PRODH2: variants seen among roughly 807,000 people sequenced by gnomAD.
PRODH2 encodes hydroxyproline dehydrogenase.
PRODH2 carries 49 observed loss-of-function variants against 51.9 expected under a neutral mutation model. The ratio of observed to expected loss-of-function variants is 0.94; its 90% CI spans 0.75 to 1.20. The LOEUF (loss-of-function observed/expected upper bound fraction) is 1.20. Among genes scored for constraint, PRODH2 ranks in the 50% most tolerant of loss-of-function variants. The pLI is 0.00. For synonymous variants in PRODH2, 249 were observed against 260.7 expected, an observed-to-expected ratio of 0.96 and a Z score of 0.43; for missense variants, 597 against 610.9, an observed-to-expected ratio of 0.98 and a Z score of 0.24.
Position 35,812,700 on chromosome 19 carries a change from C to A in PRODH2, c.106G>T (p.Glu36Ter). Residue 36 changes from glutamate to a stop codon, truncating the protein, a stop_gained, in exon 1 of 10, where the codon GAG (glutamate) becomes TAG (stop). Transcript: ENST00000653904. LOFTEE classifies it high-confidence loss of function. ...AGAACCAGCAAGGCCCGTGTCAGCTCTCCTGTGCCCTTAAGGTGGAAGGCC... is the reference window on the plus strand; with the variant it reads ...AGAACCAGCAAGGCCCGTGTCAGCTATCCTGTGCCCTTAAGGTGGAAGGCC... Reference protein sequence around the residue: ...GGAFHLKGTGELTRALLVLRL... With the variant: ...GGAFHLKGTG 1 of 1,610,794 alleles carries A rather than the reference C, an allele frequency of 6.2e-7. No homozygotes were observed. The highest frequency in any genetic ancestry group is 8.5e-7 in the Non-Finnish European group (1 of 1,177,908).
chr19:35,802,589 A>G (rs139301800), intron 8 of PRODH2: 2 of 461,806 alleles, frequency 4.3e-6, no homozygotes, highest in Non-Finnish European at 7.9e-6. Flanking sequence ...AGAGGTAGGG[A>G]CTTGCTTTGT....
At chr19:35,803,949 C>T (rs1972470728) in intron 7 of PRODH2, among the ~76,000 whole-genome samples, 1 of 18,764 alleles carries the variant, frequency 5.3e-5, no homozygotes. Flanking sequence ...TCCCTATCGC[C>T]CCCCAGACCT....
At chr19:35,810,260 A>AAATAAT (rs10676244) in intron 4 of PRODH2, among the ~76,000 whole-genome samples, 4,403 of 143,200 alleles carry the variant, frequency 0.031, 182 homozygotes, top group East Asian at 0.19. Flanking sequence ...CTCTGTCTTA[A>AAATAAT]AATAATAATA....
Position 35,803,092 on chromosome 19 carries a change from C to T in PRODH2, c.1002-14G>A. 2 of 1,511,298 alleles carry T rather than the reference C, an allele frequency of 1.3e-6. No individual in the cohort carries two copies. Among genetic ancestry groups the T allele is most frequent in the Non-Finnish European group, 1.8e-6 (2 of 1,116,782 alleles). 93.6% of individuals were successfully genotyped at this position (1,511,298 alleles called of 1,614,324 possible). Reference sequence around the variant, plus strand: ...CAGCGGCTGTAACTGAAGGGAGATGCTCTGTTCAGCTCACCTGGTGAGCGA... The same window carrying T: ...CAGCGGCTGTAACTGAAGGGAGATGTTCTGTTCAGCTCACCTGGTGAGCGA... On this transcript the variant is annotated splice_polypyrimidine_tract_variant and intron_variant, in intron 7 of 9. Transcript: ENST00000653904.
rs1188155157 is a variant in PRODH2, at chr19:35,812,405, AGCAG to A, written c.322_325del (p.Leu108TrpfsTer51). The A allele has an allele frequency of 1.2e-6, 2 of 1,614,180 alleles. No individual in the cohort carries two copies. Among genetic ancestry groups the A allele is most frequent in the East Asian group, 4.5e-5 (2 of 44,882 alleles). On this transcript the variant is annotated frameshift_variant, in exon 2 of 10. Coordinates refer to ENST00000653904, the MANE Select transcript of PRODH2 (RefSeq NM_021232.2). LOFTEE classifies it high-confidence loss of function. Reference sequence around the variant, plus strand: ...CGGCTCCTCCTCAGTGGGCACTGCCAGCAGTGGTCGGAGGCTGAGGGTCCGCAGC... The same window carrying A: ...CGGCTCCTCCTCAGTGGGCACTGCCATGGTCGGAGGCTGAGGGTCCGCAGC...
Position 35,812,732 on chromosome 19 carries a change from T to C in PRODH2, c.74A>G (p.Asp25Gly). Residue 25 changes from aspartate (D) to glycine (G), a missense_variant, in exon 1 of 10, where the codon GAT (aspartate) becomes GGT (glycine). Coordinates refer to ENST00000653904, the MANE Select transcript of PRODH2 (RefSeq NM_021232.2). ...GCCCTTAAGGTGGAAGGCCCCGCCA[T>C]CAAAGCTCAGGGACTGCCAGCCCCT... The part of the protein sequence containing the change: ...PSRGWQSLSF[D>G]GGAFHLKGTG... 1 of 1,611,594 alleles carries C rather than the reference T, an allele frequency of 6.2e-7. No homozygotes were observed. Among genetic ancestry groups the C allele is most frequent in the South Asian group, 1.1e-5 (1 of 90,848 alleles).
chr19:35,802,496 G>A (rs1437616676), intron 8 of PRODH2: 1 of 594,886 alleles, frequency 1.7e-6, no homozygotes, highest in Non-Finnish European at 3.0e-6. Context: ...CAGCAAATAA[G>A]GGGCAACGTC....
At position 35,806,684 on chromosome 19, in the gene PRODH2, G is replaced by A. The variant is rs1972517184; in HGVS notation, c.825C>T (p.Ala275=). 1.2e-6 allele frequency: 2 copies of A among 1,614,058 alleles called. No individual in the cohort carries two copies. Among genetic ancestry groups the A allele is most frequent in the Admixed American group, 1.7e-5 (1 of 60,000 alleles). The change falls in exon 6 of 10, where the codon GCC becomes GCT. Residue 275 remains alanine, a synonymous_variant. Transcript: ENST00000653904. ...GGPWVWNTYQ[A]CLKDTFERLG... The stretch of plus-strand genomic sequence containing the variant: ...GGAACACACTGCACACCTTTAGACA[G>A]GCCTGGTAGGTGTTCCACACCCAGG...
chr19:35,806,950 G>A, intron 5 of PRODH2, 91 bp downstream of exon 5: 1 of 1,542,742 alleles, frequency 6.5e-7, no homozygotes, highest in Non-Finnish European at 8.7e-7. Flanking sequence ...AGGCCCGGAG[G>A]TGCTGGTTCC....
chr19:35,805,361 G>A (rs1972495760), intron 7 of PRODH2, among the ~76,000 whole-genome samples: 1 of 152,126 alleles, frequency 6.6e-6, no homozygotes, highest in East Asian at 1.9e-4. Context: ...TTGCCTCCTG[G>A]GTTCAAGTGA....
At chr19:35,806,303 C>T in intron 7 of PRODH2, 127 bp downstream of exon 7, 1 of 1,252,148 alleles carries the variant, frequency 8.0e-7, no homozygotes, top group Non-Finnish European at 1.1e-6. Context: ...AGGCTGGTCT[C>T]CAACTCCTGC....
intron 4 of PRODH2, among the ~76,000 whole-genome samples, chr19:35,810,970 G>A (rs1244320025): frequency 6.6e-6 from 1 of 152,102 alleles, no homozygotes; most frequent in Admixed American, 6.6e-5. Context: ...TAATTAATGA[G>A]CCCATTATTC....
intron 9 of PRODH2, among the ~76,000 whole-genome samples, chr19:35,801,622 T>C (rs1208246927): frequency 6.6e-6 from 1 of 152,058 alleles, no homozygotes; most frequent in Non-Finnish European, 1.5e-5. Flanking sequence ...TCTTCAAGCC[T>C]GAGGTGAGAG....
intron 4 of PRODH2, among the ~76,000 whole-genome samples, chr19:35,810,268 A>G (rs910551019): frequency 7.1e-6 from 1 of 141,808 alleles, no homozygotes; most frequent in African/African-American, 2.5e-5. Context: ...TAAAATAATA[A>G]TAATAATAAT....
intron 8 of PRODH2, 149 bp from the exon 9 acceptor site, chr19:35,802,425 C>T (rs1160328392): frequency 1.4e-6 from 1 of 724,616 alleles, no homozygotes; most frequent in Admixed American, 2.1e-5. Flanking sequence ...CTTTGCATTC[C>T]TTGAAGGTCC....
rs571248820 is a variant in PRODH2 at position 35,811,457 on chromosome 19, A to AAGGG, written c.597+501_597+504dup. The stretch of plus-strand genomic sequence containing the variant: ...GAAGGAATAAAGGAAGGAAGGAAGG[A>AAGGG]AGGGAGGGAGGGAGGGAGGGGAGAG... On this transcript the variant is annotated intron_variant, in intron 4 of 9. Coordinates refer to ENST00000653904, the MANE Select transcript of PRODH2 (RefSeq NM_021232.2). Among the ~76,000 whole-genome samples the AAGGG allele has an allele frequency of 8.4e-3, 782 of 93,186 alleles. 35 individuals are homozygous for AAGGG. The East Asian group carries it at 0.11, about 14-fold the overall frequency. The allele number at this position is 93,186 out of a possible 152,430, so 61.1% of individuals were successfully genotyped here.
In PRODH2 at chr19:35,812,340, G is replaced by C. The variant is rs1454479801; in HGVS notation, c.371+20C>G. 2 of 1,610,306 alleles carry C rather than the reference G, an allele frequency of 1.2e-6. No individual in the cohort carries two copies. Among genetic ancestry groups the C allele is most frequent in the Non-Finnish European group, 1.7e-6 (2 of 1,177,184 alleles). On this transcript the variant is annotated intron_variant, in intron 2 of 9. Transcript: ENST00000653904. The stretch of plus-strand genomic sequence containing the variant: ...TTCCTGCGTCCTCCCAGCCTCCCTG[G>C]GCCCTGGCTCCCTACTCACCCACTC...
chr19:35,808,360 A>T (rs1972545815), intron 4 of PRODH2, among the ~76,000 whole-genome samples: 2 of 152,326 alleles, frequency 1.3e-5, no homozygotes, highest in Admixed American at 6.5e-5. Context: ...TATATCCAAC[A>T]GGGTCGATAC....
Position 35,812,224 on chromosome 19 carries a change from G to A in PRODH2, c.420C>T (p.Asp140=). ...GGGGCTCCAGGAGGCCCCGTGACAG[G>A]TCCACACACCGCAGCATAGCACCGA... is the stretch of plus-strand genomic sequence containing the variant. ...GNLGAMLRCV[D]LSRGLLEPPS... is the part of the protein sequence containing the mutation. The change falls in exon 3 of 10, where the codon GAC becomes GAT. Residue 140 remains aspartate, a synonymous_variant. Coordinates refer to ENST00000653904, the MANE Select transcript of PRODH2 (RefSeq NM_021232.2). The A allele has an allele frequency of 1.2e-6, 2 of 1,613,948 alleles. No individual in the cohort carries two copies. Among genetic ancestry groups the A allele is most frequent in the South Asian group, 1.1e-5 (1 of 91,086 alleles).
Sources: allele counts gnomAD v4.1 joint callset (sites outside exome capture counted in the v4.1 genomes callset), GRCh38; gene constraint gnomAD v4.1.1; transcripts MANE v1.5; gene names NCBI Gene and HGNC (gene_info 2026-07-23, HGNC 2026-07-21).